The following XRCC1 variants were observed in gnomAD, a reference collection of about 807,000 sequenced individuals.
The protein encoded by XRCC1 is X-ray repair cross complementing 1.
A neutral mutation model predicts 83.3 loss-of-function variants in XRCC1; 52 were observed. The ratio of observed to expected loss-of-function variants is 0.62; its 90% CI spans 0.50 to 0.79. The LOEUF is 0.79. XRCC1 is among the 30% of genes least tolerant of loss of function. The pLI, the probability that XRCC1 is intolerant of heterozygous loss-of-function variation, is 0.00. For missense variants in XRCC1, 793 were observed against 823.5 expected, an observed-to-expected ratio of 0.96 and a Z score of 0.45; for synonymous variants, 281 against 312.6, an observed-to-expected ratio of 0.90 and a Z score of 1.07.
intron 15 of XRCC1, 117 bp from the exon 16 acceptor site, chr19:43,543,804 T>TTGCCTCTAGGC: frequency 1.1e-6 from 1 of 931,940 alleles, no homozygotes; most frequent in South Asian, 1.6e-5. Context: ...CGCCTCTAGG[T>TTGCCTCTAGGC]TGCCTCTAGG....
chr19:43,574,937 G>T lies in XRCC1; in HGVS notation c.117C>A (p.Gly39=). The T allele has an allele frequency of 1.2e-6, 2 of 1,614,116 alleles. No homozygotes were observed. The highest frequency in any genetic ancestry group is 1.7e-6 in the Non-Finnish European group (2 of 1,179,988). ...GTAGGACCACAGAGATGGTCTTCTCGCCTGCCTTGGCTGCCCGCCATTTTC... is the reference window on the plus strand; with the variant it reads ...GTAGGACCACAGAGATGGTCTTCTCTCCTGCCTTGGCTGCCCGCCATTTTC... The part of the protein sequence containing the change: ...TYRKWRAAKA[G]EKTISVVLQL... Residue 39 remains glycine (G), a synonymous_variant, in exon 2 of 17, where the codon GGC becomes GGA. Coordinates refer to ENST00000262887, the MANE Select transcript of XRCC1 (RefSeq NM_006297.3).
Position 43,545,801 on chromosome 19 carries a change from A to C in XRCC1, c.1621+17T>G. On this transcript the variant is annotated intron_variant, in intron 14 of 16. Transcript: ENST00000262887. ...AAGAGAAAATGCCACTTCAGGAGGG[A>C]TGGGGGGATTTCCCACCTGGGAGCT... 1 of 1,612,952 alleles carries C rather than the reference A, an allele frequency of 6.2e-7. No individual in the cohort carries two copies. Among genetic ancestry groups the C allele is most frequent in the Non-Finnish European group, 8.5e-7 (1 of 1,179,354 alleles).
At chr19:43,564,484 T>G (rs144591571) in intron 2 of XRCC1, among the ~76,000 whole-genome samples, 1 of 152,120 alleles carries the variant, frequency 6.6e-6, no homozygotes. Context: ...TAGCACAAAC[T>G]TTGTGGCTAA....
intron 3 of XRCC1, among the ~76,000 whole-genome samples, chr19:43,557,677 G>A (rs961185553): frequency 3.3e-5 from 5 of 150,838 alleles, no homozygotes; most frequent in Non-Finnish European, 7.4e-5. Context: ...CCTGTAATCC[G>A]AGCTACTTGG....
intron 2 of XRCC1, among the ~76,000 whole-genome samples, chr19:43,566,878 C>CAAAA (rs76309782): frequency 9.1e-5 from 9 of 98,656 alleles, no homozygotes; most frequent in Admixed American, 1.2e-4. Context: ...GACTCAATCT[C>CAAAA]AAAAAAAAAA....
chr19:43,543,741 G>A (rs116388517), intron 15 of XRCC1, 54 bp from the exon 16 acceptor site: 32 of 1,541,248 alleles, frequency 2.1e-5, no homozygotes, highest in Admixed American at 1.3e-4. Flanking sequence ...CAGCACTGAC[G>A]TCCTACTCCC....
Position 43,554,769 on chromosome 19 carries a change from G to A in XRCC1, c.291C>T (p.Ser97=), listed in dbSNP as rs200376594. The A allele has an allele frequency of 5.6e-5, 91 of 1,613,736 alleles. No homozygotes were observed. Among genetic ancestry groups the A allele is most frequent in the Admixed American group, 2.5e-4 (15 of 59,980 alleles). The change falls in exon 4 of 17, where the codon TCC becomes TCT. Residue 97 remains serine (S), a synonymous_variant. Transcript: ENST00000262887. ...TGGGGTTTGAGCCACTGCGGCTCTC[G>A]GAAGGGGACATGAAAGATGAGGTGA... ...LLVTSSFMSP[S]ESRSGSNPNR...
At chr19:43,544,698 G>T (rs1054975493) in intron 14 of XRCC1, among the ~76,000 whole-genome samples, 1 of 152,092 alleles carries the variant, frequency 6.6e-6, no homozygotes. Context: ...GTAGAGAGAC[G>T]GGGTATTGAC....
At chr19:43,571,218 C>G (rs547899892) in intron 2 of XRCC1, among the ~76,000 whole-genome samples, 39 of 152,320 alleles carry the variant, frequency 2.6e-4, no homozygotes, top group Non-Finnish European at 4.4e-4. Context: ...CTCTCTCCCC[C>G]TGGCTGACTC....
At chr19:43,549,943 C>T (rs1048614420) in intron 10 of XRCC1, among the ~76,000 whole-genome samples, 5 of 152,116 alleles carry the variant, frequency 3.3e-5, no homozygotes, top group Non-Finnish European at 7.3e-5. Flanking sequence ...TAACCCAAAT[C>T]TGGTTCCTTC....
In XRCC1 at chr19:43,560,921, G is replaced by T; in HGVS notation, c.244C>A (p.Gln82Lys). 6.2e-7 allele frequency: 1 copy of T among 1,613,950 alleles called. No homozygotes were observed. Among genetic ancestry groups the T allele is most frequent in the Non-Finnish European group, 8.5e-7 (1 of 1,179,822 alleles). Residue 82 changes from glutamine to lysine, a missense_variant, in exon 3 of 17, where the codon CAA becomes AAA. Physicochemically the swap from Gln to Lys is moderately conservative, Grantham distance 53. Coordinates refer to ENST00000262887, the MANE Select transcript of XRCC1 (RefSeq NM_006297.3). Reference protein sequence around the residue: ...VGSSAGGAGEQDYEVLLVTSS... With the variant: ...VGSSAGGAGEKDYEVLLVTSS... The stretch of plus-strand genomic sequence containing the variant: ...ATAGCCCTGCTTACCTCATAGTCTT[G>T]CTCCCCAGCGCCTCCAGCTGAACTG...
chr19:43,567,615 A>C (rs149538553), intron 2 of XRCC1, among the ~76,000 whole-genome samples: 56 of 152,116 alleles, frequency 3.7e-4, no homozygotes, highest in African/African-American at 1.3e-3. Flanking sequence ...TCTGGCTGAA[A>C]TGTGCACTTT....
intron 11 of XRCC1, 77 bp downstream of exon 11, chr19:43,546,806 TG>T: frequency 6.3e-7 from 1 of 1,592,846 alleles, no homozygotes; most frequent in Non-Finnish European, 8.6e-7. Flanking sequence ...GAGGCAAGAG[TG>T]GGAAGTTTGG....
At position 43,552,075 on chromosome 19, in the gene XRCC1, C is replaced by T. The variant is rs530675651; in HGVS notation, c.1024G>A (p.Ala342Thr). 10 of 1,614,090 alleles carry T rather than the reference C, an allele frequency of 6.2e-6. No homozygotes were observed. In the East Asian group the frequency reaches 2.0e-4, roughly 32 times the overall value. Residue 342 changes from alanine to threonine, a missense_variant, in exon 9 of 17, where the codon GCC becomes ACC. By Grantham distance (58) the Ala-to-Thr change is moderately conservative. Transcript: ENST00000262887. Reference sequence around the variant, plus strand: ...CGATACTTGGCCCCAAGCTCTAGGGCCTTATCTCGCAGCTCGGAGCGGAAG... The same window carrying T: ...CGATACTTGGCCCCAAGCTCTAGGGTCTTATCTCGCAGCTCGGAGCGGAAG... ...NPFRSELRDK[A>T]LELGAKYRPD...
At chr19:43,548,868 G>A (rs986502076) in intron 10 of XRCC1, among the ~76,000 whole-genome samples, 1 of 151,490 alleles carries the variant, frequency 6.6e-6, no homozygotes, top group Admixed American at 6.6e-5. Flanking sequence ...ACTGAATCCT[G>A]GGGTAGGTCC....
rs1268512529 is a variant in XRCC1, at chr19:43,554,765, T to C, written c.295A>G (p.Ser99Gly). ...CGGTTGGGGTTTGAGCCACTGCGGC[T>C]CTCGGAAGGGGACATGAAAGATGAG... ...VTSSFMSPSE[S>G]RSGSNPNRVR... The change falls in exon 4 of 17, where the codon AGC becomes GGC. Residue 99 changes from serine (S) to glycine (G), a missense_variant. Physicochemically the swap from Ser to Gly is moderately conservative, Grantham distance 56. Coordinates refer to ENST00000262887, the MANE Select transcript of XRCC1 (RefSeq NM_006297.3). 6.2e-7 allele frequency: 1 copy of C among 1,613,596 alleles called. No individual in the cohort carries two copies. Among genetic ancestry groups the C allele is most frequent in the Admixed American group, 1.7e-5 (1 of 59,974 alleles).
intron 14 of XRCC1, among the ~76,000 whole-genome samples, chr19:43,545,448 T>C (rs1008258939): frequency 3.3e-5 from 5 of 152,330 alleles, no homozygotes; most frequent in African/African-American, 9.6e-5. Context: ...GCAGTGCCCC[T>C]GTCACCTGGT....
intron 2 of XRCC1, among the ~76,000 whole-genome samples, chr19:43,564,651 G>A (rs1045008319): frequency 6.6e-6 from 1 of 152,048 alleles, no homozygotes; most frequent in Admixed American, 6.6e-5. Flanking sequence ...AGCCAGGCGT[G>A]GTGGCGCATG....
intron 2 of XRCC1, among the ~76,000 whole-genome samples, chr19:43,567,871 C>A (rs1157953432): frequency 8.5e-6 from 1 of 117,654 alleles, no homozygotes; most frequent in Admixed American, 1.1e-4. Context: ...GAAATGCAAT[C>A]TTTTCTTTTT....
Sources: allele counts gnomAD v4.1 joint callset (sites outside exome capture counted in the v4.1 genomes callset), GRCh38; gene constraint gnomAD v4.1.1; transcripts MANE v1.5; gene names NCBI Gene and HGNC (gene_info 2026-07-23, HGNC 2026-07-21).